The following APBA2 variants were observed in gnomAD, a reference collection of about 807,000 sequenced individuals.
The protein encoded by APBA2 is amyloid beta precursor protein binding family A member 2, also known as amyloid-beta A4 precursor protein-binding family A member 2.
In APBA2, 30 loss-of-function variants were observed where a neutral mutation model predicts 75.0. The observed-to-expected ratio is 0.40, with a 90% CI of 0.30 to 0.54. The LOEUF (loss-of-function observed/expected upper bound fraction) is 0.54. APBA2 is among the 20% of genes least tolerant of loss of function. The probability of loss-of-function intolerance (pLI) is 0.49; values close to 1 mark genes in which losing one functional copy is unlikely to be tolerated. For missense variants in APBA2, 801 were observed against 1,016.1 expected, an observed-to-expected ratio of 0.79 and a Z score of 2.88; for synonymous variants, 444 against 409.6, an observed-to-expected ratio of 1.08 and a Z score of -1.01.
chr15:29,105,642 TC>T, intron 11 of APBA2, 84 bp downstream of exon 11: 1 of 1,469,240 alleles, frequency 6.8e-7, no homozygotes, highest in Non-Finnish European at 9.4e-7. Context: ...CTTCCCGGGG[TC>T]CTCACGCACA....
intron 6 of APBA2, among the ~76,000 whole-genome samples, chr15:29,087,264 T>TA (rs377060964): frequency 3.3e-5 from 5 of 151,798 alleles, no homozygotes; most frequent in Non-Finnish European, 7.4e-5. Context: ...CATTTTTTTT[T>TA]AAAAAAAATT....
intron 9 of APBA2, among the ~76,000 whole-genome samples, chr15:29,099,817 T>G (rs2044028314): frequency 6.6e-6 from 1 of 152,186 alleles, no homozygotes; most frequent in African/African-American, 2.4e-5. Context: ...ATGAGCTGTA[T>G]AGCCTTAAAC....
chr15:29,067,789 T>C (rs1394115287), intron 4 of APBA2, among the ~76,000 whole-genome samples: 1 of 152,204 alleles, frequency 6.6e-6, no homozygotes, highest in Non-Finnish European at 1.5e-5. Context: ...TCTTTATAGA[T>C]CATCTGGTGA....
At chr15:29,093,342 G>C (rs998840957) in intron 7 of APBA2, 122 bp downstream of exon 7, 2 of 1,426,894 alleles carry the variant, frequency 1.4e-6, no homozygotes, top group Non-Finnish European at 1.9e-6. Flanking sequence ...AGCACAGGGG[G>C]CAGGAGCGGC....
chr15:28,919,096 G>A (rs1440494655), intron 1 of APBA2, among the ~76,000 whole-genome samples: 1 of 152,178 alleles, frequency 6.6e-6, no homozygotes, highest in African/African-American at 2.4e-5. Context: ...TCCTGACCTC[G>A]TGATCCGCCC....
Position 28,908,315 on chromosome 15 carries a change from G to GTTTTTTTTTT in APBA2, c.-204-13321_-204-13312dup, listed in dbSNP as rs765084356. Among the ~76,000 whole-genome samples, 49 of 137,592 alleles carry GTTTTTTTTTT rather than the reference G, an allele frequency of 3.6e-4. 2 individuals are homozygous for GTTTTTTTTTT. The highest frequency in any genetic ancestry group is 1.4e-3 in the African/African-American group (48 of 33,180). The allele number at this position is 137,592 out of a possible 152,430, so 90.3% of individuals were successfully genotyped here. Reference sequence around the variant, plus strand: ...TTGTTTTTGTTTGTTTTGTTTTCTTGTTTTTTTTTTTTTGAGACAGAGTCT... The same window carrying GTTTTTTTTTT: ...TTGTTTTTGTTTGTTTTGTTTTCTTGTTTTTTTTTTTTTTTTTTTTTTTGAGACAGAGTCT... On this transcript the variant is annotated intron_variant, in intron 1 of 14. Coordinates refer to ENST00000683413, the MANE Select transcript of APBA2 (RefSeq NM_001353788.2).
chr15:29,106,192 G>T (rs2044392515), intron 11 of APBA2, among the ~76,000 whole-genome samples: 1 of 152,204 alleles, frequency 6.6e-6, no homozygotes, highest in South Asian at 2.1e-4. Flanking sequence ...AAGAGTGAAG[G>T]CCGGGGGCAG....
intron 1 of APBA2, among the ~76,000 whole-genome samples, chr15:28,895,183 G>A (rs925098300): frequency 1.3e-5 from 2 of 152,146 alleles, no homozygotes; most frequent in South Asian, 2.1e-4. Flanking sequence ...ACTTACCCTC[G>A]GCACACAGGG....
intron 5 of APBA2, among the ~76,000 whole-genome samples, chr15:29,075,819 A>G (rs2042824727): frequency 6.6e-6 from 1 of 152,068 alleles, no homozygotes; most frequent in African/African-American, 2.4e-5. Flanking sequence ...TAGTCAAGAT[A>G]TGCTAGTCTG....
intron 2 of APBA2, among the ~76,000 whole-genome samples, chr15:28,979,508 G>T (rs888838205): frequency 2.0e-5 from 3 of 152,220 alleles, no homozygotes; most frequent in South Asian, 2.1e-4. Context: ...TTCCCTGGGG[G>T]TGCAGAGTGG....
At chr15:29,074,824 T>C in intron 4 of APBA2, 97 bp from the exon 5 acceptor site, 2 of 1,044,286 alleles carry the variant, frequency 1.9e-6, no homozygotes, top group Non-Finnish European at 2.9e-6. Context: ...GACATACACA[T>C]GCATTTTACA....
At chr15:29,081,721 A>G (rs2043090362) in intron 6 of APBA2, among the ~76,000 whole-genome samples, 1 of 152,262 alleles carries the variant, frequency 6.6e-6, no homozygotes, top group South Asian at 2.1e-4. Flanking sequence ...TGGAAACAGC[A>G]ATAGGTCCAC....
At chr15:29,112,390 C>T (rs1398377369) in intron 13 of APBA2, among the ~76,000 whole-genome samples, 3 of 152,230 alleles carry the variant, frequency 2.0e-5, no homozygotes, top group Non-Finnish European at 4.4e-5. Flanking sequence ...GGGCCAGCTG[C>T]AGAAATCTGG....
chr15:28,940,432 AG>A (rs2035144940), intron 2 of APBA2, among the ~76,000 whole-genome samples: 1 of 147,178 alleles, frequency 6.8e-6, no homozygotes, highest in Non-Finnish European at 1.5e-5. Context: ...GCTACTCCGA[AG>A]GCTGAGACAG....
chr15:28,972,976 A>G (rs993361034), intron 2 of APBA2, among the ~76,000 whole-genome samples: 2 of 152,242 alleles, frequency 1.3e-5, no homozygotes, highest in Non-Finnish European at 2.9e-5. Context: ...TGCATTACTT[A>G]TGCTTTAATA....
chr15:29,097,513 G>A (rs1018611550), intron 8 of APBA2, among the ~76,000 whole-genome samples: 7 of 152,290 alleles, frequency 4.6e-5, no homozygotes, highest in Middle Eastern at 3.4e-3. Flanking sequence ...TAAAATTGCC[G>A]AGCCTTCCTT....
chr15:28,889,684 G>T (rs2032001906), intron 1 of APBA2, among the ~76,000 whole-genome samples: 1 of 152,140 alleles, frequency 6.6e-6, no homozygotes. Context: ...CTTATTCCTT[G>T]GTCCTCAGAT....
At position 29,083,827 on chromosome 15, in the gene APBA2, G is replaced by A. The variant is rs564952695; in HGVS notation, c.1069+7736G>A. Among the ~76,000 whole-genome samples, 12 of 152,178 alleles carry A rather than the reference G, an allele frequency of 7.9e-5. No homozygotes were observed. In the South Asian group the frequency reaches 1.2e-3, roughly 16 times the overall value. ...ATTACAGGCATGAGCCACCGCGCCC[G>A]GCCCACTACAAACTCTTACTGGTAT... On this transcript the variant is annotated intron_variant, in intron 6 of 14. Coordinates refer to ENST00000683413, the MANE Select transcript of APBA2 (RefSeq NM_001353788.2).
intron 3 of APBA2, among the ~76,000 whole-genome samples, chr15:29,045,454 C>T (rs1406319661): frequency 2.0e-5 from 3 of 151,902 alleles, no homozygotes; most frequent in Non-Finnish European, 4.4e-5. Context: ...TCATCACTCC[C>T]CAAAGACCCC....
Sources: allele counts gnomAD v4.1 joint callset (sites outside exome capture counted in the v4.1 genomes callset), GRCh38; gene constraint gnomAD v4.1.1; transcripts MANE v1.5; gene names NCBI Gene and HGNC (gene_info 2026-07-23, HGNC 2026-07-21).